The following ADAMTSL1 variants were observed in gnomAD, a reference collection of about 807,000 sequenced individuals.
ADAMTSL1 encodes ADAMTS like 1, also known as ADAMTS-like protein 1.
In ADAMTSL1, 126 loss-of-function variants were observed where a neutral mutation model predicts 201.8. The observed-to-expected ratio is 0.62, with a 90% confidence interval of 0.54 to 0.72. ADAMTSL1 has a LOEUF of 0.72. ADAMTSL1 is among the 30% of genes least tolerant of loss of function. The pLI, the probability that ADAMTSL1 is intolerant of heterozygous loss-of-function variation, is 0.00. For missense variants in ADAMTSL1, 2,679 were observed against 2,277.8 expected (o/e 1.18, Z -3.59); for synonymous variants, 1,121 against 903.4 (o/e 1.24, Z -4.32).
chr9:18,550,489 A>T (rs1269857262), intron 3 of ADAMTSL1, among the ~76,000 whole-genome samples: 1 of 151,936 alleles, frequency 6.6e-6, no homozygotes, highest in Non-Finnish European at 1.5e-5. Context: ...AGTTTCTAGG[A>T]GCTAATGGTC....
chr9:18,226,071 A>G (rs991702671), intron 2 of ADAMTSL1, among the ~76,000 whole-genome samples: 30 of 152,166 alleles, frequency 2.0e-4, no homozygotes, highest in African/African-American at 6.3e-4. Context: ...TTAATATTTA[A>G]TAGGAGTTTT....
intron 1 of ADAMTSL1, among the ~76,000 whole-genome samples, chr9:17,975,860 A>C (rs1269810317): frequency 1.3e-5 from 2 of 152,014 alleles, no homozygotes; most frequent in South Asian, 2.1e-4. Context: ...TTCAGTTCTG[A>C]TATTTAACTG....
intron 1 of ADAMTSL1, among the ~76,000 whole-genome samples, chr9:17,965,614 A>G (rs1200716135): frequency 6.6e-6 from 1 of 152,212 alleles, no homozygotes; most frequent in Admixed American, 6.5e-5. Flanking sequence ...CCTTAAAGAA[A>G]GTTCCATCAT....
chr9:18,083,061 A>G (rs1478903405), intron 1 of ADAMTSL1, among the ~76,000 whole-genome samples: 1 of 152,246 alleles, frequency 6.6e-6, no homozygotes. Flanking sequence ...GTGCATCTTT[A>G]TTGCAATAGC....
At chr9:18,670,992 G>A (rs1315289718) in intron 9 of ADAMTSL1, among the ~76,000 whole-genome samples, 1 of 151,574 alleles carries the variant, frequency 6.6e-6, no homozygotes, top group African/African-American at 2.4e-5. Flanking sequence ...TCTAGATTAT[G>A]TATAATACCT....
intron 23 of ADAMTSL1, among the ~76,000 whole-genome samples, chr9:18,871,559 C>T (rs1035240873): frequency 1.3e-5 from 2 of 152,220 alleles, no homozygotes; most frequent in Non-Finnish European, 2.9e-5. Flanking sequence ...TGGCTTCCAT[C>T]TTTATCATCC....
intron 1 of ADAMTSL1, among the ~76,000 whole-genome samples, chr9:17,927,698 T>G (rs1020071959): frequency 6.6e-6 from 1 of 152,122 alleles, no homozygotes; most frequent in East Asian, 1.9e-4. Context: ...TATTAGGTAT[T>G]ATAAGTAATT....
intron 1 of ADAMTSL1, among the ~76,000 whole-genome samples, chr9:17,976,399 T>C (rs1818450471): frequency 6.6e-6 from 1 of 152,098 alleles, no homozygotes. Flanking sequence ...TTCAGTTTTT[T>C]TAAATCAGTA....
chr9:17,907,840 T>G (rs1172365385), intron 1 of ADAMTSL1, among the ~76,000 whole-genome samples: 2 of 152,130 alleles, frequency 1.3e-5, no homozygotes, highest in Non-Finnish European at 2.9e-5. Context: ...ATTGGGCAGT[T>G]TGTACATAAT....
intron 2 of ADAMTSL1, among the ~76,000 whole-genome samples, chr9:18,275,290 A>G (rs1021879818): frequency 2.0e-5 from 3 of 152,202 alleles, no homozygotes; most frequent in African/African-American, 7.2e-5. Flanking sequence ...GCTATTAATA[A>G]AAACTGTTCT....
intron 4 of ADAMTSL1, among the ~76,000 whole-genome samples, chr9:18,598,307 A>G (rs140359948): frequency 4.6e-4 from 70 of 152,302 alleles, no homozygotes; most frequent in African/African-American, 1.5e-3. Flanking sequence ...AAGTCTCTCA[A>G]CTAGCAAGTG....
chr9:17,930,150 C>T (rs896370287), intron 1 of ADAMTSL1, among the ~76,000 whole-genome samples: 7 of 152,116 alleles, frequency 4.6e-5, no homozygotes, highest in African/African-American at 7.2e-5. Context: ...CAAAATTTCT[C>T]GGTCACATAA....
chr9:18,079,488 C>T (rs9987691), intron 1 of ADAMTSL1, among the ~76,000 whole-genome samples: 52,416 of 151,690 alleles, frequency 0.35, 9,849 homozygotes, highest in Non-Finnish European at 0.43. Context: ...TGAGACCATC[C>T]TGGCTAACAC....
intron 5 of ADAMTSL1, chr9:18,622,700 C>CCTG: frequency 2.2e-6 from 1 of 445,986 alleles, no homozygotes; most frequent in Non-Finnish European, 3.9e-6. Flanking sequence ...GTGTAGTGTG[C>CCTG]TATGCCTGGT....
chr9:18,777,541 G>T lies in ADAMTSL1; in HGVS notation c.3312G>T (p.Leu1104=). 6.2e-7 allele frequency: 1 copy of T among 1,603,514 alleles called. No individual in the cohort carries two copies. The highest frequency in any genetic ancestry group is 1.7e-5 in the Admixed American group (1 of 58,606). Residue 1104 remains leucine (L), a synonymous_variant, in exon 19 of 29, where the codon CTG becomes CTT. Coordinates refer to ENST00000380548, the MANE Select transcript of ADAMTSL1 (RefSeq NM_001040272.6). ...ACAGCAAGCACCTGGTGGCCCAGCT[G>T]GCCCAGGAGATCTTCCGCAGCCACC... ...DLYSKHLVAQ[L]AQEIFRSHLE...
intron 7 of ADAMTSL1, among the ~76,000 whole-genome samples, chr9:18,655,819 A>AAAAAAAAAAAAAAAAAATAAAAAAAAAAT (rs1564123611): frequency 9.9e-6 from 1 of 101,044 alleles, no homozygotes; most frequent in Non-Finnish European, 2.5e-5. Context: ...AAAAAAAAAA[A>AAAAAAAAAAAAAAAAAATAAAAAAAAAAT]AAAAAAAAAA....
chr9:18,325,251 G>A (rs1334851103), intron 2 of ADAMTSL1, among the ~76,000 whole-genome samples: 1 of 152,114 alleles, frequency 6.6e-6, no homozygotes, highest in Non-Finnish European at 1.5e-5. Flanking sequence ...TTTACCTAAG[G>A]GAGATGAAAA....
At chr9:17,987,122 G>T (rs959851141) in intron 1 of ADAMTSL1, among the ~76,000 whole-genome samples, 1 of 152,076 alleles carries the variant, frequency 6.6e-6, no homozygotes, top group African/African-American at 2.4e-5. Context: ...TGAGTTTTCG[G>T]AGAGTATCTG....
chr9:18,856,268 T>C (rs991392800), intron 23 of ADAMTSL1, among the ~76,000 whole-genome samples: 1 of 152,196 alleles, frequency 6.6e-6, no homozygotes, highest in Admixed American at 6.5e-5. Context: ...CATTACTTTT[T>C]TTCAGGATCT....
Sources: allele counts gnomAD v4.1 joint callset (sites outside exome capture counted in the v4.1 genomes callset), GRCh38; gene constraint gnomAD v4.1.1; transcripts MANE v1.5; gene names NCBI Gene and HGNC (gene_info 2026-07-23, HGNC 2026-07-21).